ARHGAP32: variants seen among roughly 807,000 people sequenced by gnomAD.
ARHGAP32 encodes the protein Rho GTPase activating protein 32.
In ARHGAP32, 51 loss-of-function variants were observed where a neutral mutation model predicts 186.5. That is an observed-to-expected ratio of 0.27 (90% confidence interval 0.22 to 0.35). The LOEUF (loss-of-function observed/expected upper bound fraction) is 0.35. Among genes scored for constraint, ARHGAP32 ranks in the 10% least tolerant of loss-of-function variants. The pLI is 1.00. For synonymous variants in ARHGAP32, 950 were observed against 964.3 expected (o/e 0.99, Z 0.27); for missense variants, 2,186 against 2,623.5 (o/e 0.83, Z 3.64).
At chr11:129,133,191 C>T (rs1472273664) in intron 2 of ARHGAP32, among the ~76,000 whole-genome samples, 1 of 152,048 alleles carries the variant, frequency 6.6e-6, no homozygotes, top group Non-Finnish European at 1.5e-5. Context: ...AACCTGATAA[C>T]AGACAAAAAA....
intron 1 of ARHGAP32, among the ~76,000 whole-genome samples, chr11:129,262,573 C>G (rs530443446): frequency 1.3e-5 from 2 of 151,984 alleles, no homozygotes; most frequent in South Asian, 4.2e-4. Flanking sequence ...TTTTAGTAGA[C>G]AGGGTTTCAC....
At chr11:129,018,934 A>T (rs1263257112) in intron 11 of ARHGAP32, among the ~76,000 whole-genome samples, 1 of 152,228 alleles carries the variant, frequency 6.6e-6, no homozygotes, top group Non-Finnish European at 1.5e-5. Flanking sequence ...TAAGGCTTTC[A>T]TATCATTATG....
At chr11:129,035,524 T>C (rs1211943341) in intron 11 of ARHGAP32, among the ~76,000 whole-genome samples, 3 of 152,176 alleles carry the variant, frequency 2.0e-5, no homozygotes, top group African/African-American at 7.2e-5. Flanking sequence ...GCTGACAGAA[T>C]TCACATCATC....
At chr11:129,212,073 T>C (rs1028868391) in intron 1 of ARHGAP32, among the ~76,000 whole-genome samples, 1 of 152,112 alleles carries the variant, frequency 6.6e-6, no homozygotes, top group African/African-American at 2.4e-5. Context: ...AAGGATTGCT[T>C]GTGCCTGGAA....
At chr11:129,058,632 G>C (rs1940363906) in intron 10 of ARHGAP32, among the ~76,000 whole-genome samples, 1 of 152,186 alleles carries the variant, frequency 6.6e-6, no homozygotes, top group African/African-American at 2.4e-5. Flanking sequence ...GGCTGCATGG[G>C]GATAAGGCCC....
chr11:129,200,075 G>C (rs960888856), intron 1 of ARHGAP32, among the ~76,000 whole-genome samples: 1 of 152,102 alleles, frequency 6.6e-6, no homozygotes, highest in African/African-American at 2.4e-5. Context: ...TTCCCATTTG[G>C]AACAGCTGTA....
Position 129,002,747 on chromosome 11 carries a change from C to T in ARHGAP32, c.1046-4279G>A, listed in dbSNP as rs1937594708. 2.0e-5 allele frequency among the ~76,000 whole-genome samples: 3 copies of T among 151,182 alleles called. No individual in the cohort carries two copies. The East Asian group carries it at 5.8e-4, about 29-fold the overall frequency. ...TCTGTAGTATATGGCTTTTATTATG[C>T]TGACACATGTTCCTTCTATATATAT... On this transcript the variant is annotated intron_variant, in intron 11 of 22. Coordinates refer to ENST00000682385, the MANE Select transcript of ARHGAP32 (RefSeq NM_001378024.1).
intron 1 of ARHGAP32, among the ~76,000 whole-genome samples, chr11:129,268,282 A>T (rs538263879): frequency 6.6e-6 from 1 of 152,346 alleles, no homozygotes; most frequent in African/African-American, 2.4e-5. Context: ...AAGAGCTATC[A>T]TGTGAAAAAT....
intron 11 of ARHGAP32, among the ~76,000 whole-genome samples, chr11:129,037,372 T>C (rs1939389723): frequency 6.6e-6 from 1 of 150,742 alleles, no homozygotes; most frequent in South Asian, 2.1e-4. Context: ...CACATGCCTG[T>C]AGTACTAGCT....
At chr11:129,086,587 C>T (rs916541110) in intron 6 of ARHGAP32, among the ~76,000 whole-genome samples, 5 of 151,988 alleles carry the variant, frequency 3.3e-5, no homozygotes, top group South Asian at 2.1e-4. Context: ...TTTGGGAGGC[C>T]AAGGCGGGCG....
chr11:129,145,013 T>G (rs1206309848), intron 2 of ARHGAP32, among the ~76,000 whole-genome samples: 1 of 152,162 alleles, frequency 6.6e-6, no homozygotes, highest in Admixed American at 6.5e-5. Flanking sequence ...GCAAAGCTTT[T>G]AAATGTTATA....
intron 11 of ARHGAP32, among the ~76,000 whole-genome samples, chr11:129,003,457 T>C (rs1418383150): frequency 6.6e-6 from 1 of 152,206 alleles, no homozygotes; most frequent in African/African-American, 2.4e-5. Flanking sequence ...CAATTGGTAC[T>C]TGTTCTTCTT....
chr11:129,068,630 A>T (rs1316766851), intron 6 of ARHGAP32, among the ~76,000 whole-genome samples: 1 of 152,048 alleles, frequency 6.6e-6, no homozygotes, highest in Non-Finnish European at 1.5e-5. Flanking sequence ...CTTTTAATTT[A>T]CATTCCCTTG....
intron 1 of ARHGAP32, among the ~76,000 whole-genome samples, chr11:129,218,253 G>A (rs770354181): frequency 6.6e-6 from 1 of 152,058 alleles, no homozygotes; most frequent in Admixed American, 6.6e-5. Context: ...CAAACTTATC[G>A]ATAGTAGCCC....
At chr11:129,183,537 T>A (rs1018440623) in intron 1 of ARHGAP32, among the ~76,000 whole-genome samples, 1 of 152,162 alleles carries the variant, frequency 6.6e-6, no homozygotes, top group Non-Finnish European at 1.5e-5. Context: ...GTTGTTAAGT[T>A]TATTTCTGGT....
chr11:129,257,206 C>T (rs1945265529), intron 1 of ARHGAP32, among the ~76,000 whole-genome samples: 1 of 152,134 alleles, frequency 6.6e-6, no homozygotes, highest in Non-Finnish European at 1.5e-5. Context: ...TCTGCTATAC[C>T]ATGGTGTGCA....
intron 6 of ARHGAP32, among the ~76,000 whole-genome samples, chr11:129,087,483 G>A (rs367968976): frequency 1.3e-5 from 2 of 152,166 alleles, no homozygotes; most frequent in East Asian, 3.8e-4. Flanking sequence ...AGTGAAAGAA[G>A]CCAATCCAAA....
Position 129,123,743 on chromosome 11 carries a change from A to G in ARHGAP32, c.359+145T>C, listed in dbSNP as rs1256669552. On this transcript the variant is annotated intron_variant, in intron 4 of 22. Transcript: ENST00000682385. This position sits in a 1 kb window ranked among gnomAD's most constrained non-coding sequence, Gnocchi z 4.6. The stretch of plus-strand genomic sequence containing the variant: ...GTGTACAGATCAAAACCCAAAATAA[A>G]AAAAGCATCACCGTTATCTCCTAAT... 1 of 751,842 alleles carries G rather than the reference A, an allele frequency of 1.3e-6. No homozygotes were observed. The highest frequency in any genetic ancestry group is 1.8e-5 in the African/African-American group (1 of 56,124). 46.6% of individuals were successfully genotyped at this position (751,842 alleles called of 1,614,324 possible).
intron 10 of ARHGAP32, among the ~76,000 whole-genome samples, chr11:129,041,959 G>A (rs1351472102): frequency 2.0e-5 from 3 of 152,148 alleles, no homozygotes; most frequent in Non-Finnish European, 2.9e-5. Flanking sequence ...GAATGGAATA[G>A]TTTTCCAAGG....
Sources: allele counts gnomAD v4.1 joint callset (sites outside exome capture counted in the v4.1 genomes callset), GRCh38; gene constraint gnomAD v4.1.1; non-coding constraint Gnocchi (gnomAD v3.1); transcripts MANE v1.5; gene names NCBI Gene and HGNC (gene_info 2026-07-23, HGNC 2026-07-21).